EXOC2: variants seen among roughly 807,000 people sequenced by gnomAD.
The protein encoded by EXOC2 is exocyst complex component 2, also known as SEC5-like 1.
Under a neutral mutation model 131.8 loss-of-function variants are expected in EXOC2, and 70 were observed. That is an observed-to-expected ratio of 0.53 (90% CI 0.44 to 0.65). The LOEUF (loss-of-function observed/expected upper bound fraction) is 0.65. Among genes scored for constraint, EXOC2 ranks in the 30% least tolerant of loss-of-function variants. EXOC2 has a pLI of 0.00. For synonymous variants in EXOC2, 411 were observed against 398.4 expected (o/e 1.03, Z -0.38); for missense variants, 923 against 1,108.6 (o/e 0.83, Z 2.38).
intron 23 of EXOC2, among the ~76,000 whole-genome samples, chr6:526,166 T>C (rs932729870): frequency 6.6e-6 from 1 of 152,190 alleles, no homozygotes; most frequent in South Asian, 2.1e-4. Context: ...CGTATGTGTA[T>C]AGATGGGCCA....
At chr6:544,467 G>A (rs1446865832) in intron 22 of EXOC2, among the ~76,000 whole-genome samples, 2 of 152,148 alleles carry the variant, frequency 1.3e-5, no homozygotes, top group Admixed American at 6.5e-5. Flanking sequence ...TATAATTTCT[G>A]TCTGTAAGAT....
At chr6:632,662 C>G (rs1761912249) in intron 3 of EXOC2, among the ~76,000 whole-genome samples, 1 of 152,176 alleles carries the variant, frequency 6.6e-6, no homozygotes. Context: ...GGAACCAAAA[C>G]TGGTATATCA....
intron 22 of EXOC2, among the ~76,000 whole-genome samples, chr6:535,102 C>T (rs1766360476): frequency 1.3e-5 from 2 of 151,810 alleles, no homozygotes; most frequent in Middle Eastern, 3.4e-3. Context: ...AAAATTAAAC[C>T]CAAAGAAAAT....
At chr6:656,762 C>A in intron 1 of EXOC2, 7 of 1,591,538 alleles carry the variant, frequency 4.4e-6, no homozygotes, top group Non-Finnish European at 5.1e-6. Context: ...GCTGGAAGGC[C>A]CCCTGCCGCA....
At chr6:648,527 C>A (rs1484154630) in intron 1 of EXOC2, among the ~76,000 whole-genome samples, 3 of 152,104 alleles carry the variant, frequency 2.0e-5, no homozygotes, top group Admixed American at 2.0e-4. Context: ...GTCATAAGCT[C>A]TTTCTTATAT....
At chr6:595,273 A>G (rs80077411) in intron 10 of EXOC2, among the ~76,000 whole-genome samples, 6,275 of 152,156 alleles carry the variant, frequency 0.041, 332 homozygotes, top group South Asian at 0.2. Context: ...AAGAAAACTA[A>G]TACATTTTTG....
intron 22 of EXOC2, among the ~76,000 whole-genome samples, chr6:537,421 C>A (rs2127548116): frequency 6.7e-6 from 1 of 150,046 alleles, no homozygotes; most frequent in South Asian, 2.1e-4. Flanking sequence ...ACGGAGCGTA[C>A]ACATGAGGTG....
At chr6:664,094 A>G (rs1007146101) in intron 1 of EXOC2, among the ~76,000 whole-genome samples, 1 of 152,276 alleles carries the variant, frequency 6.6e-6, no homozygotes, top group African/African-American at 2.4e-5. Context: ...GTTTCCAGAT[A>G]CAAGATTAAT....
intron 22 of EXOC2, among the ~76,000 whole-genome samples, chr6:541,298 C>G (rs2473487): frequency 1.3e-5 from 2 of 151,972 alleles, no homozygotes; most frequent in Admixed American, 6.5e-5. Flanking sequence ...ATACCACTTG[C>G]GAAAACATGG....
At chr6:563,325 T>C (rs1012553429) in intron 16 of EXOC2, among the ~76,000 whole-genome samples, 3 of 152,220 alleles carry the variant, frequency 2.0e-5, no homozygotes, top group Non-Finnish European at 4.4e-5. Flanking sequence ...CTCAGGTTCC[T>C]AGGTGAGGAG....
chr6:655,114 G>A (rs550616982), intron 1 of EXOC2, among the ~76,000 whole-genome samples: 1 of 152,256 alleles, frequency 6.6e-6, no homozygotes, highest in Non-Finnish European at 1.5e-5. Flanking sequence ...ATGCTAAAGA[G>A]AAATCTTTCA....
At chr6:497,281 T>A in intron 25 of EXOC2, 86 bp downstream of exon 25, 7 of 1,261,564 alleles carry the variant, frequency 5.5e-6, no homozygotes, top group Non-Finnish European at 7.9e-6. Flanking sequence ...AAGAAGCCTG[T>A]CATATCATAA....
intron 20 of EXOC2, 80 bp from the exon 21 acceptor site, chr6:554,000 A>G: frequency 9.2e-7 from 1 of 1,090,354 alleles, no homozygotes; most frequent in East Asian, 2.4e-5. Context: ...GCAAATTTAA[A>G]CGTGCAATGA....
chr6:645,722 G>A (rs1762550655), intron 1 of EXOC2, among the ~76,000 whole-genome samples: 1 of 152,182 alleles, frequency 6.6e-6, no homozygotes. Flanking sequence ...GTATTTTCTA[G>A]CTTTGTACAT....
chr6:539,223 C>T (rs1457167458), intron 22 of EXOC2, among the ~76,000 whole-genome samples: 1 of 152,152 alleles, frequency 6.6e-6, no homozygotes, highest in Non-Finnish European at 1.5e-5. Flanking sequence ...CATATTAGCA[C>T]TGAGGAGGGT....
intron 1 of EXOC2, among the ~76,000 whole-genome samples, chr6:674,712 ATGTTTGTTTGTTTGTT>A (rs556375852): frequency 6.7e-6 from 1 of 148,570 alleles, no homozygotes; most frequent in Non-Finnish European, 1.5e-5. Context: ...TGTATTAACC[ATGTTTGTTTGTTTGTT>A]TGTTTGTTTG....
chr6:619,474 A>G lies in EXOC2; in HGVS notation c.492T>C (p.Asn164=). 10 of 1,614,118 alleles carry G rather than the reference A, an allele frequency of 6.2e-6. No homozygotes were observed. The highest frequency in any genetic ancestry group is 8.5e-6 in the Non-Finnish European group (10 of 1,179,986). The change falls in exon 5 of 28, where the codon AAT becomes AAC. Residue 164 remains asparagine, a synonymous_variant. Transcript: ENST00000230449. ...CTATAAGATACCAGGCTGCTGAGAA[A>G]TTCTCACTTGTAAAATCAGCACTCA... The part of the protein sequence containing the change: ...HGMSADFTSE[N]FSAAWYLIEN...
chr6:616,458 C>A (rs967282476), intron 6 of EXOC2, among the ~76,000 whole-genome samples: 8 of 151,764 alleles, frequency 5.3e-5, no homozygotes, highest in Non-Finnish European at 1.2e-4. Flanking sequence ...AAAAAATTAG[C>A]CGGGCGCAGT....
chr6:655,996 A>G (rs948135591), intron 1 of EXOC2: 15 of 747,226 alleles, frequency 2.0e-5, no homozygotes, highest in Non-Finnish European at 3.4e-5. Context: ...AACAAAATAT[A>G]CGCCCTGCAT....
Sources: allele counts gnomAD v4.1 joint callset (sites outside exome capture counted in the v4.1 genomes callset), GRCh38; gene constraint gnomAD v4.1.1; transcripts MANE v1.5; gene names NCBI Gene and HGNC (gene_info 2026-07-23, HGNC 2026-07-21).